The following PTPN23 variants were observed in gnomAD, a reference collection of about 807,000 sequenced individuals.
PTPN23 encodes the protein tyrosine-protein phosphatase non-receptor type 23.
PTPN23 carries 72 observed loss-of-function variants against 156.3 expected under a neutral mutation model. That is an observed-to-expected ratio of 0.46 (90% confidence interval 0.38 to 0.56). The LOEUF (loss-of-function observed/expected upper bound fraction) is 0.56, where lower values mean the gene tolerates loss of function less well. Among genes scored for constraint, PTPN23 ranks in the 20% least tolerant of loss-of-function variants. The pLI, the probability that PTPN23 is intolerant of heterozygous loss-of-function variation, is 0.00. For missense variants in PTPN23, 1,974 were observed against 2,171.5 expected (o/e 0.91, Z 1.81); for synonymous variants, 957 against 899.6 (o/e 1.06, Z -1.14).
chr3:47,411,375 ACTGT>A lies in PTPN23; in HGVS notation c.3581_3584del (p.Val1194GlyfsTer25), dbSNP rs760750644. ...GCTGGGGGATGTGGGAGCTCTGGACACTGTCTGGCGAGAGCTGCAAGATGCGCAG... is the reference window on the plus strand; with the variant it reads ...GCTGGGGGATGTGGGAGCTCTGGACACTGGCGAGAGCTGCAAGATGCGCAG... On this transcript the variant is annotated frameshift_variant, in exon 20 of 25. Transcript: ENST00000265562. LOFTEE classifies it high-confidence loss of function. This position sits in a 1 kb window ranked among gnomAD's most constrained non-coding sequence, Gnocchi z 6.3. 4.3e-6 allele frequency: 7 copies of A among 1,612,826 alleles called. No individual in the cohort carries two copies. The highest frequency in any genetic ancestry group is 2.7e-5 in the African/African-American group (2 of 74,932).
rs770013436 is a variant in PTPN23 at position 47,408,999 on chromosome 3, C to T, written c.1554C>T (p.Ala518=). 2 of 1,614,160 alleles carry T rather than the reference C, an allele frequency of 1.2e-6. No homozygotes were observed. The highest frequency in any genetic ancestry group is 3.3e-5 in the Admixed American group (2 of 60,034). Residue 518 remains alanine, a synonymous_variant, in exon 16 of 25, where the codon GCC becomes GCT. Transcript: ENST00000265562. ...ASFTNSELHR[A]MNLHVGNLRL... is the part of the protein sequence containing the mutation. ...TCACCAACAGTGAGCTGCACCGTGC[C>T]ATGAACCTGCACGTCGGCAACCTGC...
rs778880801 is a variant in PTPN23, at chr3:47,406,649, G to A, written c.759+37G>A. ...GGGCCCCAGGGCGGGGCAGGGCGGG[G>A]CTGAGTGGCCACAGCTCAGGAAGCA... On this transcript the variant is annotated intron_variant, in intron 8 of 24. Coordinates refer to ENST00000265562, the MANE Select transcript of PTPN23 (RefSeq NM_015466.4). The surrounding 1 kb of genome is among the most constrained non-coding windows in gnomAD (Gnocchi z 5.8). The A allele has an allele frequency of 5.6e-6, 9 of 1,613,832 alleles. No homozygotes were observed. The East Asian group carries it at 2.0e-4, about 36-fold the overall frequency.
In PTPN23 at chr3:47,405,103, C is replaced by T. The variant is rs746845126; in HGVS notation, c.364+22C>T. 3.7e-6 allele frequency: 6 copies of T among 1,609,670 alleles called. No homozygotes were observed. Among genetic ancestry groups the T allele is most frequent in the East Asian group, 4.5e-5 (2 of 44,862 alleles). ...CTTGGTGAGCTGCCTGATCCCTTCC[C>T]CCGGCCCTACTCCCCAGTCCTGCCA... On this transcript the variant is annotated intron_variant, in intron 4 of 24. Coordinates refer to ENST00000265562, the MANE Select transcript of PTPN23 (RefSeq NM_015466.4). The surrounding 1 kb of genome is among the most constrained non-coding windows in gnomAD (Gnocchi z 4.7).
rs1194141991 is a variant in PTPN23, at chr3:47,406,748, C to T, written c.805C>T (p.Arg269Trp). The T allele has an allele frequency of 1.9e-6, 3 of 1,613,442 alleles. No individual in the cohort carries two copies. Among genetic ancestry groups the T allele is most frequent in the African/African-American group, 2.7e-5 (2 of 74,902 alleles). ...CGAGGAGCAGCAGAAGTTCGGGGAG[C>T]GGGTGAGCTACAGCGAGGAGGGGAC... ...QAEEQQKFGE[R>W]VAYFQSALDK... is the part of the protein sequence containing the mutation. Residue 269 changes from arginine (R) to tryptophan (W), a missense_variant and splice_region_variant, in exon 9 of 25, where the codon CGG (arginine) becomes TGG (tryptophan). Around this residue, in one of 4 missense-constraint regions of PTPN23, gnomAD observed 726 missense variants for 929.5 expected, o/e 0.78. Coordinates refer to ENST00000265562, the MANE Select transcript of PTPN23 (RefSeq NM_015466.4). This position sits in a 1 kb window ranked among gnomAD's most constrained non-coding sequence, Gnocchi z 5.8.
intron 1 of PTPN23, among the ~76,000 whole-genome samples, chr3:47,390,128 GC>G (rs1407958591): frequency 1.3e-5 from 2 of 151,504 alleles, no homozygotes; most frequent in Non-Finnish European, 2.9e-5. Context: ...TGTAGTCCTA[GC>G]CACACAAGAG....
rs773705623 is a variant in PTPN23 at position 47,407,914 on chromosome 3, G to C, written c.1143G>C (p.Arg381=). 4.3e-6 allele frequency: 7 copies of C among 1,614,186 alleles called. No homozygotes were observed. Among genetic ancestry groups the C allele is most frequent in the Non-Finnish European group, 5.9e-6 (7 of 1,180,032 alleles). ...LYSEEKAKLL[R]EMMAKIEDKN... is the part of the protein sequence containing the mutation. ...GTGAGGAGAAGGCCAAGCTGCTCCG[G>C]GAGATGATGGCCAAGATTGAGGACA... The change falls in exon 14 of 25, where the codon CGG becomes CGC. Residue 381 remains arginine (R), a synonymous_variant. Transcript: ENST00000265562. This position sits in a 1 kb window ranked among gnomAD's most constrained non-coding sequence, Gnocchi z 4.0.
rs371425062 is a variant in PTPN23, at chr3:47,408,367, T to C, written c.1207T>C (p.Leu403=). 2 of 1,614,070 alleles carry C rather than the reference T, an allele frequency of 1.2e-6. No homozygotes were observed. Among genetic ancestry groups the C allele is most frequent in the Non-Finnish European group, 8.5e-7 (1 of 1,179,982 alleles). ...VLDQFMDSMQ[L]DPETVDNLDA... The stretch of plus-strand genomic sequence containing the variant: ...CAGCCAGTTCATGGATTCAATGCAG[T>C]TGGATCCCGAGACGGTGGACAACCT... Residue 403 remains leucine, a synonymous_variant, in exon 15 of 25, where the codon TTG becomes CTG. Coordinates refer to ENST00000265562, the MANE Select transcript of PTPN23 (RefSeq NM_015466.4).
chr3:47,383,546 A>G (rs1157998003), intron 1 of PTPN23, among the ~76,000 whole-genome samples: 1 of 152,180 alleles, frequency 6.6e-6, no homozygotes, highest in African/African-American at 2.4e-5. Context: ...TGTACCCTCT[A>G]CATAGTTGGC....
At position 47,412,384 on chromosome 3, in the gene PTPN23, GCATGCGGCAGCAGAGAAAGCA is replaced by G. The variant is rs1559530846; in HGVS notation, c.4286_4306del (p.Arg1429_Met1435del). 6.2e-7 allele frequency: 1 copy of G among 1,613,002 alleles called. No individual in the cohort carries two copies. The highest frequency in any genetic ancestry group is 8.5e-7 in the Non-Finnish European group (1 of 1,180,020). On this transcript the variant is annotated inframe_deletion, in exon 23 of 25. Coordinates refer to ENST00000265562, the MANE Select transcript of PTPN23 (RefSeq NM_015466.4). ...CCTGAGCTGCCTCAGCTGGTGCGGCGCATGCGGCAGCAGAGAAAGCACATGCTGCAGGAGAAGGTGAGGATC... is the reference window on the plus strand; with the variant it reads ...CCTGAGCTGCCTCAGCTGGTGCGGCGCATGCTGCAGGAGAAGGTGAGGATC...
Position 47,410,031 on chromosome 3 carries a change from C to T in PTPN23, c.2233C>T (p.Leu745=). 1 of 1,610,804 alleles carries T rather than the reference C, an allele frequency of 6.2e-7. No homozygotes were observed. The highest frequency in any genetic ancestry group is 1.1e-5 in the South Asian group (1 of 90,442). The part of the protein sequence containing the change: ...AVEAGDPPEE[L]RSLPPDMVAG... ...GGAAGCAGGAGACCCCCCTGAGGAG[C>T]TGCGCAGCCTCCCCCCTGACATGGT... is the stretch of plus-strand genomic sequence containing the variant. The change falls in exon 20 of 25, where the codon CTG becomes TTG. Residue 745 remains leucine, a synonymous_variant. Transcript: ENST00000265562.
At position 47,412,550 on chromosome 3, in the gene PTPN23, C is replaced by T; in HGVS notation, c.4354C>T (p.His1452Tyr). 1.9e-6 allele frequency: 3 copies of T among 1,613,592 alleles called. No individual in the cohort carries two copies. Among genetic ancestry groups the T allele is most frequent in the Non-Finnish European group, 2.5e-6 (3 of 1,179,992 alleles). Reference protein sequence around the residue: ...LRFCYEAVVRHVEQVLQRHGV... With the variant: ...LRFCYEAVVRYVEQVLQRHGV... ...GTTCTGCTATGAGGCAGTGGTGAGA[C>T]ACGTGGAGCAGGTCCTGCAGCGCCA... Residue 1452 changes from histidine to tyrosine, a missense_variant, in exon 24 of 25, where the codon CAC (histidine) becomes TAC (tyrosine). Transcript: ENST00000265562.
intron 1 of PTPN23, among the ~76,000 whole-genome samples, chr3:47,384,074 A>G (rs1003403326): frequency 3.3e-5 from 5 of 150,856 alleles, no homozygotes; most frequent in African/African-American, 9.8e-5. Context: ...GTTAAGTACT[A>G]TGCTGAACCT....
intron 2 of PTPN23, among the ~76,000 whole-genome samples, chr3:47,399,313 A>G (rs1704944772): frequency 6.6e-6 from 1 of 151,974 alleles, no homozygotes; most frequent in African/African-American, 2.4e-5. Context: ...TGTACTGTCA[A>G]AGCCTTTGCC....
chr3:47,398,130 T>A (rs929595719), intron 2 of PTPN23, among the ~76,000 whole-genome samples: 1 of 152,102 alleles, frequency 6.6e-6, no homozygotes, highest in African/African-American at 2.4e-5. Context: ...ACCCCCTCTC[T>A]ACGAAAAATA....
chr3:47,386,096 C>T (rs1224723117), intron 1 of PTPN23, among the ~76,000 whole-genome samples: 3 of 152,196 alleles, frequency 2.0e-5, no homozygotes, highest in African/African-American at 7.2e-5. Context: ...GAACTTTTCC[C>T]TCCTCTGAAT....
In PTPN23 at chr3:47,405,358, T is replaced by C; in HGVS notation, c.364+277T>C. On this transcript the variant is annotated intron_variant, in intron 4 of 24. Transcript: ENST00000265562. The surrounding 1 kb of genome is among the most constrained non-coding windows in gnomAD (Gnocchi z 4.7). ...GGAGAGAGGGCCTTTCTTCTTTGAC[T>C]GGACAGCCCCTCCCCACTGTGGTTT... 3.7e-6 allele frequency: 2 copies of C among 543,696 alleles called. No homozygotes were observed. The highest frequency in any genetic ancestry group is 3.2e-5 in the Admixed American group (1 of 31,710). 33.7% of individuals were successfully genotyped at this position (543,696 alleles called of 1,614,324 possible).
intron 1 of PTPN23, 111 bp downstream of exon 1, chr3:47,381,291 G>T: frequency 2.1e-6 from 3 of 1,439,058 alleles, no homozygotes; most frequent in Non-Finnish European, 2.8e-6. Context: ...CGCAGGGTCC[G>T]GTGAGGCCAG....
Position 47,413,173 on chromosome 3 carries a change from C to T in PTPN23, c.4899C>T (p.Leu1633=). 1 of 1,610,672 alleles carries T rather than the reference C, an allele frequency of 6.2e-7. No homozygotes were observed. Among genetic ancestry groups the T allele is most frequent in the Non-Finnish European group, 8.5e-7 (1 of 1,178,730 alleles). The stretch of plus-strand genomic sequence containing the variant: ...GCCTTCTGGATCCACTCTGGACACT[C>T]AACAAGACCTGAACAGGTTTTGCCT... ...PLSLLDPLWT[L]NKT Residue 1633 remains leucine, a synonymous_variant, in exon 25 of 25, where the codon CTC becomes CTT. Coordinates refer to ENST00000265562, the MANE Select transcript of PTPN23 (RefSeq NM_015466.4).
intron 1 of PTPN23, among the ~76,000 whole-genome samples, chr3:47,385,065 C>T (rs925150604): frequency 6.6e-6 from 1 of 152,126 alleles, no homozygotes; most frequent in African/African-American, 2.4e-5. Context: ...CCCAGCCAGA[C>T]CCACGTAATT....
Sources: gnomAD v4.1 joint callset for allele counts (sites outside exome capture counted in the v4.1 genomes callset) on GRCh38, gnomAD v4.1.1 for gene constraint, gnomAD v4.1.1 regional missense constraint, Gnocchi (gnomAD v3.1) non-coding constraint, MANE v1.5 for transcripts, NCBI Gene and HGNC (gene_info 2026-07-23, HGNC 2026-07-21) for gene names.